Variants in SRCAP observed in about 807,000 individuals in gnomAD.
SRCAP encodes Snf2 related CREBBP activator protein, also known as chromatin remodeling protein SRCAP.
SRCAP carries 46 observed loss-of-function variants against 263.1 expected under a neutral mutation model. The ratio of observed to expected loss-of-function variants is 0.17; its 90% CI spans 0.14 to 0.22. The LOEUF (loss-of-function observed/expected upper bound fraction) is 0.22, where lower values mean the gene tolerates loss of function less well. SRCAP is among the 10% of genes least tolerant of loss of function. SRCAP has a pLI of 1.00. For synonymous variants in SRCAP, 1,813 were observed against 1,662.1 expected (o/e 1.09, Z -2.21); for missense variants, 3,695 against 4,181.9 (o/e 0.88, Z 3.21).
chr16:30,725,995 T>G (rs977276652), intron 25 of SRCAP: 1 of 152,146 alleles, frequency 6.6e-6, no homozygotes, highest in Admixed American at 6.5e-5. Context: ...ACTTAGAACC[T>G]TTCCGTGGCC....
In SRCAP at chr16:30,722,337, CTT is replaced by C. The variant is rs549026146; in HGVS notation, c.3706+53_3706+54del. On this transcript the variant is annotated intron_variant, in intron 22 of 33. Coordinates refer to ENST00000262518, the MANE Select transcript of SRCAP (RefSeq NM_006662.3). ...GCCTTTTTCCTCCTCTTCCCTGTCT[CTT>C]TGTTTTTGTGACTTTTTTGAATGTC... The C allele has an allele frequency of 3.6e-4, 567 of 1,578,076 alleles. 4 individuals carry two copies. The African/African-American group carries it at 7.0e-3, about 20-fold the overall frequency.
In SRCAP at chr16:30,738,021, G is replaced by A. The variant is rs576461942; in HGVS notation, c.7981G>A (p.Asp2661Asn). ...GGAGCTCCCACCCTCAGCAGCATCTGATGAGCCACTTCAGGAGCCACTGGA... is the reference window on the plus strand; with the variant it reads ...GGAGCTCCCACCCTCAGCAGCATCTAATGAGCCACTTCAGGAGCCACTGGA... ...GLELPPSAAS[D>N]EPLQEPLEAD... Residue 2661 changes from aspartate (D) to asparagine (N), a missense_variant, in exon 34 of 34, where the codon GAT becomes AAT. This residue lies in a region of SRCAP where 1,207 missense variants were observed against 1,142.9 expected (regional missense o/e 1.06). Transcript: ENST00000262518. 9.7e-5 allele frequency: 157 copies of A among 1,614,134 alleles called. 2 individuals are homozygous for A. In the South Asian group the frequency reaches 1.4e-3, roughly 14 times the overall value.
chr16:30,700,851 C>T lies in SRCAP; in HGVS notation c.27C>T (p.His9=). 6.2e-7 allele frequency: 1 copy of T among 1,614,202 alleles called. No homozygotes were observed. Among genetic ancestry groups the T allele is most frequent in the African/African-American group, 1.3e-5 (1 of 75,068 alleles). Residue 9 remains histidine, a synonymous_variant, in exon 3 of 34, where the codon CAC becomes CAT. Transcript: ENST00000262518. MQSSPSPA[H]PQLPVLQTQM... The stretch of plus-strand genomic sequence containing the variant: ...TGCAGAGCAGCCCCTCCCCTGCTCA[C>T]CCTCAGCTCCCAGTCCTACAGACAC...
chr16:30,734,731 T>A (rs558995720), intron 31 of SRCAP, 116 bp downstream of exon 31: 1 of 1,474,506 alleles, frequency 6.8e-7, no homozygotes, highest in Non-Finnish European at 9.2e-7. Flanking sequence ...CTTCCCAGAT[T>A]ACAGTCAGCC....
At chr16:30,701,733 A>T (rs774180251) in intron 3 of SRCAP, among the ~76,000 whole-genome samples, 1 of 150,294 alleles carries the variant, frequency 6.7e-6, no homozygotes, top group African/African-American at 2.5e-5. Flanking sequence ...GATTTCAAAC[A>T]GTTCTCCTGC....
In SRCAP at chr16:30,711,660, G is replaced by A. The variant is rs1567242530; in HGVS notation, c.1408G>A (p.Val470Ile). 1.2e-6 allele frequency: 2 copies of A among 1,614,132 alleles called. No individual in the cohort carries two copies. The highest frequency in any genetic ancestry group is 2.2e-5 in the East Asian group (1 of 44,872). ...GSSEDEDEDE[V>I]DANSSDCEPE... ...CAGTGAAGATGAGGATGAAGATGAG[G>A]TTGATGCTAATAGCTCTGACTGTGA... is the stretch of plus-strand genomic sequence containing the variant. The change falls in exon 11 of 34, where the codon GTT becomes ATT. Residue 470 changes from valine to isoleucine, a missense_variant. By Grantham distance (29) the Val-to-Ile change is conservative. Transcript: ENST00000262518.
At chr16:30,728,920 G>A in intron 25 of SRCAP, 46 bp from the exon 26 acceptor site, 5 of 1,558,772 alleles carry the variant, frequency 3.2e-6, no homozygotes, top group Non-Finnish European at 4.3e-6. Context: ...GTTTTGATGT[G>A]GACTCTGAGG....
intron 32 of SRCAP, 41 bp from the exon 33 acceptor site, chr16:30,736,500 T>C (rs2053161963): frequency 6.2e-7 from 1 of 1,613,112 alleles, no homozygotes; most frequent in African/African-American, 1.3e-5. Flanking sequence ...GGGCCCTGGG[T>C]ACCAGGTTCC....
Position 30,738,016 on chromosome 16 carries a change from C to T in SRCAP, c.7976C>T (p.Ala2659Val). The T allele has an allele frequency of 1.2e-6, 2 of 1,614,120 alleles. No individual in the cohort carries two copies. The highest frequency in any genetic ancestry group is 1.3e-5 in the African/African-American group (1 of 75,026). ...GGCCTGGAGCTCCCACCCTCAGCAG[C>T]ATCTGATGAGCCACTTCAGGAGCCA... is the stretch of plus-strand genomic sequence containing the variant. ...SNGLELPPSAASDEPLQEPLE... is the reference protein window; with the variant it reads ...SNGLELPPSAVSDEPLQEPLE... Residue 2659 changes from alanine to valine, a missense_variant, in exon 34 of 34, where the codon GCA becomes GTA. By Grantham distance (64) the Ala-to-Val change is moderately conservative. Around this residue, in one of 12 missense-constraint regions of SRCAP, gnomAD observed 1,207 missense variants for 1,142.9 expected, o/e 1.06. Transcript: ENST00000262518.
At chr16:30,721,953 A>G (rs2053015696) in intron 21 of SRCAP, among the ~76,000 whole-genome samples, 169 bp from the exon 22 acceptor site, 2 of 152,152 alleles carry the variant, frequency 1.3e-5, no homozygotes, top group African/African-American at 4.8e-5. Context: ...AGCACATGAA[A>G]AGCTCAAAGG....
In SRCAP at chr16:30,736,940, C is replaced by G. The variant is rs796920959; in HGVS notation, c.7009-109C>G. ...CTGCTGGCCTTAACTTCCCCAAGTG[C>G]TGGAATTACAGGCGTGAGCCACCGC... On this transcript the variant is annotated intron_variant, in intron 33 of 33. Coordinates refer to ENST00000262518, the MANE Select transcript of SRCAP (RefSeq NM_006662.3). The G allele has an allele frequency of 3.2e-6, 4 of 1,268,792 alleles. No homozygotes were observed. The African/African-American group carries it at 6.0e-5, about 19-fold the overall frequency. 78.6% of individuals were successfully genotyped at this position (1,268,792 alleles called of 1,614,324 possible).
At chr16:30,704,811 C>A (rs2151285025) in intron 4 of SRCAP, among the ~76,000 whole-genome samples, 1 of 152,218 alleles carries the variant, frequency 6.6e-6, no homozygotes, top group Middle Eastern at 3.4e-3. Flanking sequence ...CACTGCACTC[C>A]AGCCTGAGCA....
At chr16:30,722,833 C>T in intron 23 of SRCAP, 85 bp downstream of exon 23, 3 of 1,549,156 alleles carry the variant, frequency 1.9e-6, no homozygotes, top group South Asian at 1.2e-5. Flanking sequence ...CCAGCCTTCC[C>T]TCAGTGTTGT....
At chr16:30,707,050 G>A in intron 4 of SRCAP, 133 bp from the exon 5 acceptor site, 1 of 791,520 alleles carries the variant, frequency 1.3e-6, no homozygotes, top group Non-Finnish European at 2.0e-6. Flanking sequence ...TATGATACCT[G>A]CCTGTAAGTT....
chr16:30,712,387 T>G lies in SRCAP; in HGVS notation c.1941T>G (p.Leu647=), dbSNP rs2052901343. 2 of 1,609,874 alleles carry G rather than the reference T, an allele frequency of 1.2e-6. No individual in the cohort carries two copies. The highest frequency in any genetic ancestry group is 1.1e-5 in the South Asian group (1 of 90,686). ...LNGILADEMG[L]GKTIQTISLL... Reference sequence around the variant, plus strand: ...GCATTCTTGCTGATGAGATGGGGCTTGGGAAGACCATCCAGACCATCTCTC... The same window carrying G: ...GCATTCTTGCTGATGAGATGGGGCTGGGGAAGACCATCCAGACCATCTCTC... The change falls in exon 13 of 34, where the codon CTT becomes CTG. Residue 647 remains leucine, a synonymous_variant. Coordinates refer to ENST00000262518, the MANE Select transcript of SRCAP (RefSeq NM_006662.3).
At chr16:30,728,757 G>A (rs2053085824) in intron 25 of SRCAP, among the ~76,000 whole-genome samples, 1 of 152,084 alleles carries the variant, frequency 6.6e-6, no homozygotes, top group Non-Finnish European at 1.5e-5. Context: ...TTCTGAGAAA[G>A]AATAGTTATT....
Position 30,707,707 on chromosome 16 carries a change from G to GAGA in SRCAP, c.631_633dup (p.Lys211dup). 1 of 1,614,228 alleles carries GAGA rather than the reference G, an allele frequency of 6.2e-7. No individual in the cohort carries two copies. The highest frequency in any genetic ancestry group is 8.5e-7 in the Non-Finnish European group (1 of 1,180,048). ...TGTCAGGCAGTTCTGGAGCAATGTG[G>GAGA]AGAAGGTAGACAGTGGGGATCAGGA... On this transcript the variant is annotated inframe_insertion, in exon 6 of 34. Coordinates refer to ENST00000262518, the MANE Select transcript of SRCAP (RefSeq NM_006662.3).
At chr16:30,735,737 C>T (rs1321488381) in intron 31 of SRCAP, among the ~76,000 whole-genome samples, 4 of 151,660 alleles carry the variant, frequency 2.6e-5, no homozygotes, top group South Asian at 2.1e-4. Context: ...CGTGCCACCA[C>T]GCTCAGCTAA....
rs1263824881 is a variant in SRCAP at position 30,724,181 on chromosome 16, C to G, written c.4757C>G (p.Pro1586Arg). 6.2e-7 allele frequency: 1 copy of G among 1,614,186 alleles called. No individual in the cohort carries two copies. Residue 1586 changes from proline (P) to arginine (R), a missense_variant, in exon 25 of 34, where the codon CCT (proline) becomes CGT (arginine). By Grantham distance (103) the Pro-to-Arg change is moderately radical. Around this residue, in one of 12 missense-constraint regions of SRCAP, gnomAD observed 1,347 missense variants for 1,304.4 expected, o/e 1.03. Transcript: ENST00000262518. ...ASSASQALAT[P>R]LAPMAAPQTA... ...TCTGCATCTCAGGCTCTAGCCACCC[C>G]TCTGGCTCCTATGGCGGCTCCACAG... is the stretch of plus-strand genomic sequence containing the variant.
Sources: allele counts gnomAD v4.1 joint callset (sites outside exome capture counted in the v4.1 genomes callset), GRCh38; gene constraint gnomAD v4.1.1; regional missense constraint gnomAD v4.1.1; transcripts MANE v1.5; gene names NCBI Gene and HGNC (gene_info 2026-07-23, HGNC 2026-07-21).